Variants in MCCC2 observed in about 807,000 individuals in gnomAD.
MCCC2 encodes the protein methylcrotonyl-CoA carboxylase subunit 2, also known as methylcrotonoyl-CoA carboxylase beta chain, mitochondrial.
Under a neutral mutation model 77.2 loss-of-function variants are expected in MCCC2, and 52 were observed. The observed-to-expected ratio is 0.67, with a 90% confidence interval of 0.54 to 0.85. The LOEUF (loss-of-function observed/expected upper bound fraction) is 0.85, where lower values mean the gene tolerates loss of function less well. MCCC2 is among the 40% of genes least tolerant of loss of function. MCCC2 has a pLI of 0.00. For synonymous variants in MCCC2, 253 were observed against 248.4 expected (o/e 1.02, Z -0.18); for missense variants, 682 against 703.2 (o/e 0.97, Z 0.34).
intron 6 of MCCC2, among the ~76,000 whole-genome samples, chr5:71,620,551 A>G (rs1375300254): frequency 2.6e-5 from 4 of 152,116 alleles, no homozygotes; most frequent in African/African-American, 9.7e-5. Context: ...TAGATAAAAA[A>G]TCTCTTAGCT....
At chr5:71,649,677 A>G (rs543745689) in intron 14 of MCCC2, among the ~76,000 whole-genome samples, 1 of 152,392 alleles carries the variant, frequency 6.6e-6, no homozygotes, top group Non-Finnish European at 1.5e-5. Flanking sequence ...GACATCAGAT[A>G]GAAGAATCAG....
Position 71,643,765 on chromosome 5 carries a change from T to C in MCCC2, c.1073-54T>C, listed in dbSNP as rs778736008. The C allele has an allele frequency of 1.9e-6, 3 of 1,613,716 alleles. No homozygotes were observed. The Admixed American group carries it at 5.0e-5, about 27-fold the overall frequency. On this transcript the variant is annotated intron_variant, in intron 11 of 16. Transcript: ENST00000340941. ...TGTAAATATGCCTCTTTCTTGTGAA[T>C]TGAAGCCCTTGGAAAAGCACAAGAC...
Position 71,602,949 on chromosome 5 carries a change from G to C in MCCC2, c.511+316G>C, listed in dbSNP as rs1415201203. 1.2e-5 allele frequency: 4 copies of C among 329,914 alleles called. No individual in the cohort carries two copies. In the East Asian group the frequency reaches 2.1e-4, roughly 17 times the overall value. 20.4% of individuals were successfully genotyped at this position (329,914 alleles called of 1,614,324 possible). The stretch of plus-strand genomic sequence containing the variant: ...TATGGATCATACTATGAAAAAAATA[G>C]TAGCAAGTATTTATAGATCTCTTGA... On this transcript the variant is annotated intron_variant, in intron 5 of 16. Transcript: ENST00000340941.
At chr5:71,630,876 T>G (rs1267601085) in intron 7 of MCCC2, among the ~76,000 whole-genome samples, 1 of 152,188 alleles carries the variant, frequency 6.6e-6, no homozygotes, top group Non-Finnish European at 1.5e-5. Context: ...AAGCTTTTCT[T>G]ATTTGAGTTG....
intron 6 of MCCC2, 69 bp downstream of exon 6, chr5:71,604,537 C>T: frequency 8.6e-7 from 1 of 1,158,870 alleles, no homozygotes; most frequent in Non-Finnish European, 1.3e-6. Context: ...ATTAGGTACT[C>T]TGGGATGGCT....
chr5:71,587,732 G>T lies in MCCC2; in HGVS notation c.129+178G>T, dbSNP rs574397127. Among the ~76,000 whole-genome samples, 145 of 152,350 alleles carry T rather than the reference G, an allele frequency of 9.5e-4. 2 individuals carry two copies. The highest frequency in any genetic ancestry group is 2.9e-3 in the African/African-American group (122 of 41,584). ...CAAGAAAGTTTAGTTCACTTTTAGA[G>T]CTGGCACTGTACTTTGTGTCTTTGA... is the stretch of plus-strand genomic sequence containing the variant. On this transcript the variant is annotated intron_variant, in intron 1 of 16. Transcript: ENST00000340941.
intron 10 of MCCC2, chr5:71,635,619 T>C (rs1746888729): frequency 2.8e-6 from 1 of 354,892 alleles, no homozygotes; most frequent in African/African-American, 2.1e-5. Context: ...CAGTAAGTTG[T>C]TGGAAGAAAA....
At chr5:71,602,983 T>C (rs1336409193) in intron 5 of MCCC2, 2 of 252,332 alleles carry the variant, frequency 7.9e-6, no homozygotes, top group Non-Finnish European at 1.5e-5. Flanking sequence ...GAGTGCCAGG[T>C]ACTGAGTTAA....
chr5:71,599,502 C>T (rs1295979563), intron 3 of MCCC2, among the ~76,000 whole-genome samples, 157 bp from the exon 4 acceptor site: 2 of 152,198 alleles, frequency 1.3e-5, no homozygotes, highest in Non-Finnish European at 2.9e-5. Flanking sequence ...TGAGCCACCA[C>T]ACCCATTTTA....
chr5:71,620,889 A>G (rs1312266791), intron 6 of MCCC2, among the ~76,000 whole-genome samples: 1 of 152,146 alleles, frequency 6.6e-6, no homozygotes, highest in Admixed American at 6.5e-5. Flanking sequence ...TGTTCCTGTC[A>G]CAGAGCAGGC....
At chr5:71,653,708 AG>A (rs1747502502) in intron 16 of MCCC2, among the ~76,000 whole-genome samples, 1 of 151,956 alleles carries the variant, frequency 6.6e-6, no homozygotes, top group Admixed American at 6.6e-5. Flanking sequence ...AAAATTAGCC[AG>A]GCGTGATGGT....
intron 8 of MCCC2, among the ~76,000 whole-genome samples, chr5:71,632,795 T>TGG (rs1746764754): frequency 6.6e-6 from 1 of 152,072 alleles, no homozygotes; most frequent in African/African-American, 2.4e-5. Flanking sequence ...AGTTGGCTCT[T>TGG]GTGAGTTAGC....
At chr5:71,589,676 A>G (rs900594596) in intron 1 of MCCC2, among the ~76,000 whole-genome samples, 13 of 152,278 alleles carry the variant, frequency 8.5e-5, no homozygotes, top group South Asian at 2.1e-4. Flanking sequence ...AAATAAAAGC[A>G]ACTATAATAA....
intron 6 of MCCC2, among the ~76,000 whole-genome samples, chr5:71,614,428 C>A (rs940649950): frequency 1.3e-4 from 19 of 151,980 alleles, no homozygotes; most frequent in Non-Finnish European, 2.5e-4. Context: ...TTGCTTGAGG[C>A]CAGGAGTTTA....
intron 15 of MCCC2, among the ~76,000 whole-genome samples, chr5:71,651,817 T>C (rs1393432281): frequency 6.6e-6 from 1 of 152,152 alleles, no homozygotes; most frequent in African/African-American, 2.4e-5. Context: ...ACCTGATACT[T>C]CAAAGACATG....
intron 3 of MCCC2, among the ~76,000 whole-genome samples, chr5:71,598,533 G>A (rs1745283875): frequency 1.3e-5 from 2 of 151,670 alleles, no homozygotes; most frequent in East Asian, 1.9e-4. Context: ...TCTGCCTTCC[G>A]GATTCAGGTG....
chr5:71,618,813 A>G (rs1041284552), intron 6 of MCCC2, among the ~76,000 whole-genome samples: 6 of 152,178 alleles, frequency 3.9e-5, no homozygotes, highest in Non-Finnish European at 8.8e-5. Flanking sequence ...CCTCCTCAGA[A>G]GTGGGATCTT....
intron 6 of MCCC2, among the ~76,000 whole-genome samples, chr5:71,607,480 AG>A (rs1745730658): frequency 6.9e-6 from 1 of 144,514 alleles, no homozygotes; most frequent in Non-Finnish European, 1.5e-5. Flanking sequence ...TTTCTTTATT[AG>A]TCTTGCTAGC....
intron 1 of MCCC2, among the ~76,000 whole-genome samples, chr5:71,591,733 G>C (rs762909050): frequency 1.8e-4 from 27 of 151,594 alleles, no homozygotes; most frequent in Non-Finnish European, 3.5e-4. Context: ...CACCACGGCT[G>C]GCCGAGTTTT....
Sources: gnomAD v4.1 joint callset for allele counts (sites outside exome capture counted in the v4.1 genomes callset) on GRCh38, gnomAD v4.1.1 for gene constraint, MANE v1.5 for transcripts, NCBI Gene and HGNC (gene_info 2026-07-23, HGNC 2026-07-21) for gene names.